The following LRRC37A2 variants were observed in gnomAD, a reference collection of about 807,000 sequenced individuals.
LRRC37A2 encodes leucine-rich repeat-containing protein 37A2.
A neutral mutation model predicts 68.8 loss-of-function variants in LRRC37A2; 9 were observed. That is an observed-to-expected ratio of 0.13 (90% confidence interval 0.08 to 0.23). The LOEUF is 0.23. Among genes scored for constraint, LRRC37A2 ranks in the 10% least tolerant of loss-of-function variants. LRRC37A2 has a pLI of 1.00. For synonymous variants in LRRC37A2, 63 were observed against 367.6 expected (o/e 0.17, Z 9.48); for missense variants, 168 against 950.4 (o/e 0.18, Z 10.82).
the LRRC37A2 span, among the ~76,000 whole-genome samples, chr17:46,976,358 C>T: frequency 6.6e-6 from 1 of 150,988 alleles, no homozygotes; most frequent in Admixed American, 6.6e-5. Flanking sequence ...CATGGTGAAA[C>T]CCGGTCTCTA....
At chr17:46,928,355 C>T in the LRRC37A2 span, among the ~76,000 whole-genome samples, 2 of 152,262 alleles carry the variant, frequency 1.3e-5, no homozygotes, top group South Asian at 4.1e-4. Flanking sequence ...GCATTGCTCA[C>T]GATGCAGAAT....
the LRRC37A2 span, chr17:46,764,740 G>A: frequency 8.5e-5 from 13 of 152,286 alleles, no homozygotes; most frequent in African/African-American, 3.1e-4. Flanking sequence ...GCTCAGAGGT[G>A]ATGAGGACTT....
the LRRC37A2 span, among the ~76,000 whole-genome samples, chr17:46,846,296 T>G: frequency 2.0e-5 from 3 of 152,222 alleles, no homozygotes; most frequent in Non-Finnish European, 4.4e-5. Flanking sequence ...AGTCCAATGT[T>G]TATTCATTCA....
chr17:46,609,645 A>G, the LRRC37A2 span, among the ~76,000 whole-genome samples: 1 of 148,504 alleles, frequency 6.7e-6, no homozygotes, highest in East Asian at 1.9e-4. Context: ...TTAAATGAGA[A>G]ACCTCTCAAT....
chr17:46,621,069 T>C, the LRRC37A2 span, among the ~76,000 whole-genome samples: 4 of 102,244 alleles, frequency 3.9e-5, no homozygotes, highest in South Asian at 1.0e-3. Context: ...CTGCATTCAA[T>C]TCTGGGCGAC....
chr17:46,729,361 C>T, the LRRC37A2 span, among the ~76,000 whole-genome samples: 1 of 152,070 alleles, frequency 6.6e-6, no homozygotes, highest in Non-Finnish European at 1.5e-5. Context: ...TTTCTTTGGG[C>T]AGTTAAAAAA....
the LRRC37A2 span, among the ~76,000 whole-genome samples, chr17:46,892,717 T>C: frequency 6.6e-6 from 1 of 152,118 alleles, no homozygotes. Flanking sequence ...TCAATAAATA[T>C]TTAAACAGTC....
chr17:46,449,755 CTTT>C, the LRRC37A2 span, among the ~76,000 whole-genome samples: 2 of 88,674 alleles, frequency 2.3e-5, no homozygotes, highest in African/African-American at 4.5e-5. Context: ...GTTTGATTTT[CTTT>C]TTTTTTTTTT....
the LRRC37A2 span, chr17:46,751,437 T>C: frequency 1.8e-6 from 2 of 1,120,668 alleles, no homozygotes; most frequent in Non-Finnish European, 2.7e-6. Context: ...TAAAGGTAAA[T>C]AGAATTAACC....
the LRRC37A2 span, chr17:46,966,880 G>GCCCTCT: frequency 2.5e-6 from 1 of 405,710 alleles, no homozygotes; most frequent in African/African-American, 2.0e-5. Context: ...TGGCCATTAT[G>GCCCTCT]CTAATTAGCA....
At chr17:46,738,265 C>A in the LRRC37A2 span, among the ~76,000 whole-genome samples, 1 of 152,004 alleles carries the variant, frequency 6.6e-6, no homozygotes, top group East Asian at 1.9e-4. Flanking sequence ...CAATATGATA[C>A]TTGAGAATTT....
At chr17:46,497,295 A>G in the LRRC37A2 span, among the ~76,000 whole-genome samples, 6 of 147,586 alleles carry the variant, frequency 4.1e-5, no homozygotes, top group Admixed American at 1.3e-4. Context: ...TTTACATTTA[A>G]TATGATTGAT....
the LRRC37A2 span, among the ~76,000 whole-genome samples, chr17:46,901,875 C>T: frequency 6.7e-6 from 1 of 149,488 alleles, no homozygotes; most frequent in African/African-American, 2.5e-5. Flanking sequence ...GGCGCAATCT[C>T]GGCTCACTGC....
At chr17:47,034,107 G>A in the LRRC37A2 span, among the ~76,000 whole-genome samples, 1 of 152,220 alleles carries the variant, frequency 6.6e-6, no homozygotes, top group Non-Finnish European at 1.5e-5. Context: ...GGCCAAGACA[G>A]GCAGATCGCT....
chr17:46,771,544 C>A, the LRRC37A2 span, among the ~76,000 whole-genome samples: 2 of 149,002 alleles, frequency 1.3e-5, no homozygotes, highest in Admixed American at 1.3e-4. Context: ...CGCTGACAGC[C>A]CCGCTGTGCC....
chr17:46,737,586 TG>T, the LRRC37A2 span, among the ~76,000 whole-genome samples: 225 of 151,832 alleles, frequency 1.5e-3, no homozygotes, highest in African/African-American at 5.2e-3. Flanking sequence ...TGTGTGTGTG[TG>T]TGTGTGTGTG....
At chr17:46,758,305 A>G in the LRRC37A2 span, among the ~76,000 whole-genome samples, 3 of 152,200 alleles carry the variant, frequency 2.0e-5, no homozygotes, top group African/African-American at 7.2e-5. Context: ...AGCTTCAAGA[A>G]CTTCCACAAC....
chr17:46,533,399 C>T (rs1767240778), intron 6 of LRRC37A2, among the ~76,000 whole-genome samples: 2 of 116,946 alleles, frequency 1.7e-5, no homozygotes, highest in African/African-American at 4.1e-5. Context: ...CCACTCTCAC[C>T]CCCTCCTTTA....
chr17:46,420,886 G>A, the LRRC37A2 span, among the ~76,000 whole-genome samples: 1 of 24,648 alleles, frequency 4.1e-5, no homozygotes, highest in African/African-American at 1.5e-4. Flanking sequence ...TGCAACCTCC[G>A]CTTTCTGGGT....
Sources: gnomAD v4.1 joint callset for allele counts (sites outside exome capture counted in the v4.1 genomes callset) on GRCh38, gnomAD v4.1.1 for gene constraint, MANE v1.5 for transcripts, NCBI Gene and HGNC (gene_info 2026-07-23, HGNC 2026-07-21) for gene names.